Variants in C1orf159 observed in about 807,000 individuals in gnomAD.
The protein encoded by C1orf159 is uncharacterized protein C1orf159.
In C1orf159, 19 loss-of-function variants were observed where a neutral mutation model predicts 25.6. That is an observed-to-expected ratio of 0.74 (90% confidence interval 0.52 to 1.09). C1orf159 has a LOEUF of 1.09. Ranked by LOEUF, C1orf159 falls within the 50% of genes least tolerant of loss-of-function variation. The pLI, the probability that C1orf159 is intolerant of heterozygous loss-of-function variation, is 0.00. For synonymous variants in C1orf159, 139 were observed against 124.7 expected, an observed-to-expected ratio of 1.12 and a Z score of -0.77; for missense variants, 274 against 290.6, an observed-to-expected ratio of 0.94 and a Z score of 0.42.
rs1432881385 is a variant in C1orf159 at position 1,091,484 on chromosome 1, G to A, written c.60C>T (p.Ser20=). Reference sequence around the variant, plus strand: ...GGGGGGCACCTACCGTGTTCTCCATGGACTTGCTGGCGACTCCCACGAGAA... The same window carrying A: ...GGGGGGCACCTACCGTGTTCTCCATAGACTTGCTGGCGACTCCCACGAGAA... ...AGLLVGVASK[S]MENTAQLPEC... The change falls in exon 3 of 10, where the codon TCC becomes TCT. Residue 20 remains serine, a synonymous_variant. Transcript: ENST00000421241. 3 of 1,550,408 alleles carry A rather than the reference G, an allele frequency of 1.9e-6. No homozygotes were observed. The highest frequency in any genetic ancestry group is 2.4e-5 in the East Asian group (1 of 40,906).
intron 1 of C1orf159, among the ~76,000 whole-genome samples, chr1:1,102,084 A>AC (rs1202474270): frequency 6.6e-6 from 1 of 150,694 alleles, no homozygotes; most frequent in Non-Finnish European, 1.5e-5. Context: ...AAAAAAAAAA[A>AC]AAAAAAAAAA....
intron 1 of C1orf159, among the ~76,000 whole-genome samples, chr1:1,114,240 C>T (rs746661078): frequency 2.6e-5 from 4 of 152,070 alleles, no homozygotes; most frequent in Non-Finnish European, 5.9e-5. Context: ...CTTCTCTTAC[C>T]AGCCAAATGT....
chr1:1,088,342 G>A (rs950745462), intron 4 of C1orf159, among the ~76,000 whole-genome samples: 3 of 20,316 alleles, frequency 1.5e-4, no homozygotes, highest in Admixed American at 7.2e-4. Context: ...GACCCCCCAC[G>A]CCTCCCCCAA....
chr1:1,094,815 T>A (rs188801520), intron 1 of C1orf159, among the ~76,000 whole-genome samples: 2 of 152,350 alleles, frequency 1.3e-5, no homozygotes, highest in East Asian at 1.9e-4. Flanking sequence ...TTGTTTTTTA[T>A]GTCCTAAGAA....
intron 2 of C1orf159, 135 bp downstream of exon 2, chr1:1,091,856 T>G (rs997481846): frequency 6.3e-5 from 28 of 443,200 alleles, no homozygotes; most frequent in South Asian, 4.0e-4. Context: ...CTGAGTTAAA[T>G]GGAGATGGGG....
intron 1 of C1orf159, among the ~76,000 whole-genome samples, chr1:1,105,746 C>T (rs1037283215): frequency 4.7e-5 from 6 of 127,506 alleles, no homozygotes; most frequent in Admixed American, 1.5e-4. Context: ...GCTGGGCGGG[C>T]GCCTGTAGTC....
chr1:1,105,523 A>C (rs1363639504), intron 1 of C1orf159, among the ~76,000 whole-genome samples: 4 of 152,102 alleles, frequency 2.6e-5, no homozygotes, highest in Non-Finnish European at 5.9e-5. Flanking sequence ...AATAAATAAA[A>C]AGTAAAGGCA....
chr1:1,088,390 C>T (rs1645870661), intron 4 of C1orf159, among the ~76,000 whole-genome samples: 1 of 134,616 alleles, frequency 7.4e-6, no homozygotes, highest in South Asian at 2.8e-4. Context: ...CTGCCTCGCA[C>T]CCCGTGTTCC....
intron 1 of C1orf159, among the ~76,000 whole-genome samples, chr1:1,102,379 CTTT>C (rs756300868): frequency 6.9e-6 from 1 of 144,346 alleles, no homozygotes; most frequent in African/African-American, 2.5e-5. Flanking sequence ...CACTTCCACC[CTTT>C]TTTTTTTTTC....
chr1:1,087,570 C>G lies in C1orf159; in HGVS notation c.176G>C (p.Gly59Ala). ...PGCYRRWNAD[G>A]SASCVRCGNG... ...CCCACAGCGGACGCAGCTGGCGCTC[C>G]CGTCCGCGTTCCAGCGCCTGTAACA... is the stretch of plus-strand genomic sequence containing the variant. The change falls in exon 5 of 10, where the codon GGG (glycine) becomes GCG (alanine). Residue 59 changes from glycine (G) to alanine (A), a missense_variant. Transcript: ENST00000421241. This position sits in a 1 kb window ranked among gnomAD's most constrained non-coding sequence, Gnocchi z 8.3. 6.5e-7 allele frequency: 1 copy of G among 1,548,572 alleles called. No homozygotes were observed. The highest frequency in any genetic ancestry group is 8.7e-7 in the Non-Finnish European group (1 of 1,146,584).
rs147487586 is a variant in C1orf159 at position 1,089,094 on chromosome 1, G to A, written c.148+1259C>T. Among the ~76,000 whole-genome samples the A allele has an allele frequency of 1.6e-4, 25 of 152,320 alleles. No homozygotes were observed. The highest frequency in any genetic ancestry group is 3.3e-4 in the Admixed American group (5 of 15,300). ...AGAAGTGCCCGCTGCCTCCCCGAGC[G>A]GAGACGTGACCTGGCTTGGGGCCGC... On this transcript the variant is annotated intron_variant, in intron 4 of 9. Coordinates refer to ENST00000421241, the MANE Select transcript of C1orf159 (RefSeq NM_017891.5). This position sits in a 1 kb window ranked among gnomAD's most constrained non-coding sequence, Gnocchi z 7.5.
intron 1 of C1orf159, among the ~76,000 whole-genome samples, chr1:1,098,052 A>AT (rs925503134): frequency 4.6e-5 from 7 of 150,910 alleles, no homozygotes; most frequent in African/African-American, 1.7e-4. Flanking sequence ...TTCTTCTGTT[A>AT]TTTTTTCCCC....
At chr1:1,083,315 C>T (rs1056039455) in intron 9 of C1orf159, 8 of 317,090 alleles carry the variant, frequency 2.5e-5, no homozygotes, top group South Asian at 1.3e-4. Flanking sequence ...ACAAGCAGGC[C>T]GTAGTCCCAA....
chr1:1,092,058 T>C lies in C1orf159; in HGVS notation c.-90A>G, dbSNP rs1326691622. ...CGCCTGGGTGTTCAGGGGTTAGCTC[T>C]GGGAGCTCATGGGCTCAGCTGAGCC... On this transcript the variant is annotated 5_prime_UTR_variant, in exon 2 of 10. Coordinates refer to ENST00000421241, the MANE Select transcript of C1orf159 (RefSeq NM_017891.5). 6.6e-5 allele frequency: 30 copies of C among 454,352 alleles called. No individual in the cohort carries two copies. The highest frequency in any genetic ancestry group is 7.1e-5 in the Non-Finnish European group (16 of 226,018). The allele number at this position is 454,352 out of a possible 1,614,324, so 28.1% of individuals were successfully genotyped here.
intron 1 of C1orf159, among the ~76,000 whole-genome samples, chr1:1,099,041 C>T (rs909655483): frequency 1.5e-4 from 23 of 152,222 alleles, no homozygotes; most frequent in African/African-American, 4.3e-4. Flanking sequence ...TTAAAATCTC[C>T]GACTATGATT....
intron 1 of C1orf159, among the ~76,000 whole-genome samples, chr1:1,097,584 ATTTTTT>A (rs71576596): frequency 7.9e-6 from 1 of 126,524 alleles, no homozygotes; most frequent in African/African-American, 3.2e-5. Flanking sequence ...AGCTCATTAA[ATTTTTT>A]TTTTTTTTTT....
chr1:1,091,287 A>C (rs912182513), intron 3 of C1orf159, 185 bp downstream of exon 3: 5 of 702,948 alleles, frequency 7.1e-6, no homozygotes, highest in African/African-American at 5.4e-5. Context: ...CCCAGCAGGC[A>C]GCGGAGGGCT....
intron 1 of C1orf159, among the ~76,000 whole-genome samples, chr1:1,112,407 G>A (rs747809084): frequency 6.6e-6 from 1 of 152,098 alleles, no homozygotes; most frequent in Non-Finnish European, 1.5e-5. Flanking sequence ...TCCCTCCAGT[G>A]AACACAACGC....
rs1420318803 is a variant in C1orf159, at chr1:1,110,765, GACGACGAGCACGCA to G, written c.-136+5281_-136+5294del. ...GGAAACCCACCCGGGCGCCCTCAGA[GACGACGAGCACGCA>G]ACAGCGCATCCCACACCCACTCCTT... On this transcript the variant is annotated intron_variant, in intron 1 of 9. Transcript: ENST00000421241. The surrounding 1 kb of genome is among the most constrained non-coding windows in gnomAD (Gnocchi z 4.8). 5.9e-5 allele frequency among the ~76,000 whole-genome samples: 9 copies of G among 152,230 alleles called. No homozygotes were observed. Among genetic ancestry groups the G allele is most frequent in the Admixed American group, 5.9e-4 (9 of 15,286 alleles).
Sources: allele counts gnomAD v4.1 joint callset (sites outside exome capture counted in the v4.1 genomes callset), GRCh38; gene constraint gnomAD v4.1.1; non-coding constraint Gnocchi (gnomAD v3.1); transcripts MANE v1.5; gene names NCBI Gene and HGNC (gene_info 2026-07-23, HGNC 2026-07-21).